LUC7L2: variants seen among roughly 807,000 people sequenced by gnomAD.
LUC7L2 encodes the protein putative RNA-binding protein Luc7-like 2.
A neutral mutation model predicts 52.8 loss-of-function variants in LUC7L2; 25 were observed. The observed-to-expected ratio is 0.47, with a 90% CI of 0.34 to 0.66. LUC7L2 has a LOEUF of 0.66. Ranked by LOEUF, LUC7L2 falls within the 30% of genes least tolerant of loss-of-function variation. The pLI, the probability that LUC7L2 is intolerant of heterozygous loss-of-function variation, is 0.01. For synonymous variants in LUC7L2, 144 were observed against 160.9 expected (o/e 0.89, Z 0.80); for missense variants, 328 against 497.8 (o/e 0.66, Z 3.25).
chr7:139,391,590 C>A (rs1779935104), intron 2 of LUC7L2, among the ~76,000 whole-genome samples: 1 of 150,514 alleles, frequency 6.6e-6, no homozygotes, highest in Non-Finnish European at 1.5e-5. Flanking sequence ...AAATTGGCTT[C>A]TTTTTTTTTG....
upstream of LUC7L2, chr7:139,359,836 G>A: frequency 2.4e-6 from 1 of 409,624 alleles, no homozygotes. Context: ...GAGTGATACA[G>A]CTGGACGCCA....
intron 1 of LUC7L2, chr7:139,341,209 C>CT (rs1352148094): frequency 1.7e-5 from 20 of 1,184,916 alleles, no homozygotes; most frequent in Non-Finnish European, 2.3e-5. Flanking sequence ...TACGGCGCCC[C>CT]TGGGCCTTCG....
rs977310618 is a variant in LUC7L2, at chr7:139,359,899, C to T, written c.-363C>T. ...TGAGCGCGAGGAGCGTGCGCGCTCC[C>T]GTCGTGGCGACGGTGGCGGCGAGCG... On this transcript the variant is annotated 5_prime_UTR_variant, in exon 1 of 10. Transcript: ENST00000354926. 7.2e-6 allele frequency: 3 copies of T among 419,238 alleles called. No homozygotes were observed. The highest frequency in any genetic ancestry group is 1.3e-5 in the Non-Finnish European group (3 of 236,642). The allele number at this position is 419,238 out of a possible 1,614,324, so 26.0% of individuals were successfully genotyped here.
rs369442601 is a variant in LUC7L2 at position 139,382,871 on chromosome 7, C to G, written c.156+6715C>G. On this transcript the variant is annotated intron_variant, in intron 2 of 9. Transcript: ENST00000354926. The stretch of plus-strand genomic sequence containing the variant: ...TTGCTTCCCTGACTCTGTTTTAAAG[C>G]CTGATCTAAAAATCAGTTATGTGGG... 3.3e-5 allele frequency among the ~76,000 whole-genome samples: 5 copies of G among 152,074 alleles called. No individual in the cohort carries two copies. In the South Asian group the frequency reaches 1.0e-3, roughly 31 times the overall value.
intron 1 of LUC7L2, among the ~76,000 whole-genome samples, chr7:139,368,235 T>C (rs948074504): frequency 5.9e-5 from 9 of 152,210 alleles, no homozygotes; most frequent in Non-Finnish European, 1.3e-4. Context: ...TCTTAGAGAT[T>C]ATAGACATAA....
chr7:139,405,514 C>T (rs998036590), intron 4 of LUC7L2, 130 bp from the exon 5 acceptor site: 27 of 1,176,706 alleles, frequency 2.3e-5, no homozygotes, highest in African/African-American at 9.4e-5. Context: ...ATTTGGGATA[C>T]GCTCAGAAAG....
At chr7:139,413,508 C>CCT (rs1216038515) in intron 8 of LUC7L2, among the ~76,000 whole-genome samples, 1 of 152,178 alleles carries the variant, frequency 6.6e-6, no homozygotes, top group African/African-American at 2.4e-5. Context: ...GAGCGCAGTG[C>CCT]CTCACGCTTA....
At chr7:139,340,652 A>G (rs1317179329) in intron 1 of LUC7L2, 1 of 396,284 alleles carries the variant, frequency 2.5e-6, no homozygotes, top group Admixed American at 4.4e-5. Context: ...ATGACGTACC[A>G]AAGAGGAAAA....
chr7:139,381,633 A>G (rs914071808), intron 2 of LUC7L2, among the ~76,000 whole-genome samples: 1 of 149,314 alleles, frequency 6.7e-6, no homozygotes, highest in South Asian at 2.1e-4. Context: ...CTGGAGTGCA[A>G]TGGTTTGATC....
rs569496586 is a variant in LUC7L2, at chr7:139,389,055, T to G, written c.157-9544T>G. On this transcript the variant is annotated intron_variant, in intron 2 of 9. Transcript: ENST00000354926. Reference sequence around the variant, plus strand: ...ACACTTCACATTTTTTAAATGATTTTTTTTTTTTTTAATTCTTCGGCACTC... The same window carrying G: ...ACACTTCACATTTTTTAAATGATTTGTTTTTTTTTTAATTCTTCGGCACTC... Among the ~76,000 whole-genome samples, 27 of 151,944 alleles carry G rather than the reference T, an allele frequency of 1.8e-4. No homozygotes were observed. In the East Asian group the frequency reaches 5.2e-3, roughly 29 times the overall value.
Position 139,363,976 on chromosome 7 carries a change from C to CTTTTT in LUC7L2, c.61+3677_61+3681dup, listed in dbSNP as rs1169793101. 1.0e-4 allele frequency among the ~76,000 whole-genome samples: 10 copies of CTTTTT among 96,098 alleles called. 1 individual carries two copies. The highest frequency in any genetic ancestry group is 2.9e-4 in the African/African-American group (5 of 17,264). The allele number at this position is 96,098 out of a possible 152,430, so 63.0% of individuals were successfully genotyped here. On this transcript the variant is annotated intron_variant, in intron 1 of 9. Transcript: ENST00000354926. ...TGAGGGTGTGGATTTAGATTACATC[C>CTTTTT]TTTTTTTTTTTTTTTTTTTTTTTTT...
At chr7:139,352,908 T>C (rs1315341103) in intron 1 of LUC7L2, among the ~76,000 whole-genome samples, 1 of 152,154 alleles carries the variant, frequency 6.6e-6, no homozygotes, top group Non-Finnish European at 1.5e-5. Context: ...TCTACATTAA[T>C]AGGCACCGGC....
chr7:139,373,916 T>C (rs1457751664), intron 1 of LUC7L2, among the ~76,000 whole-genome samples: 1 of 152,204 alleles, frequency 6.6e-6, no homozygotes, highest in Non-Finnish European at 1.5e-5. Context: ...TTTTTTGTTT[T>C]GTTTTGTTTT....
intron 2 of LUC7L2, among the ~76,000 whole-genome samples, chr7:139,389,321 C>G (rs1794330421): frequency 6.6e-6 from 1 of 152,170 alleles, no homozygotes; most frequent in African/African-American, 2.4e-5. Flanking sequence ...CAGACTCTTT[C>G]ACCATCTAGT....
At chr7:139,373,306 C>T (rs950847969) in intron 1 of LUC7L2, among the ~76,000 whole-genome samples, 4 of 152,158 alleles carry the variant, frequency 2.6e-5, no homozygotes, top group African/African-American at 9.7e-5. Flanking sequence ...GTCCCCAAGG[C>T]AGAACTTTAA....
chr7:139,404,735 A>AGT (rs1436211668), intron 4 of LUC7L2, among the ~76,000 whole-genome samples: 1 of 152,332 alleles, frequency 6.6e-6, no homozygotes, highest in East Asian at 1.9e-4. Context: ...GGACTCATAG[A>AGT]GTGGAGTTGC....
intron 1 of LUC7L2, chr7:139,371,560 G>A (rs1800450920): frequency 3.1e-6 from 4 of 1,307,480 alleles, no homozygotes; most frequent in Non-Finnish European, 4.2e-6. Flanking sequence ...GGGTAGTACT[G>A]GGGGGAGGGG....
intron 4 of LUC7L2, 113 bp downstream of exon 4, chr7:139,402,360 A>G: frequency 9.7e-7 from 1 of 1,032,132 alleles, no homozygotes; most frequent in South Asian, 1.9e-5. Context: ...TATACAAGGA[A>G]TTCTGTATAC....
intron 9 of LUC7L2, among the ~76,000 whole-genome samples, chr7:139,420,126 T>TATC (rs1795822470): frequency 6.6e-6 from 1 of 152,266 alleles, no homozygotes; most frequent in African/African-American, 2.4e-5. Flanking sequence ...TGCATCTATC[T>TATC]ATCTTTTTGC....
Sources: allele counts gnomAD v4.1 joint callset (sites outside exome capture counted in the v4.1 genomes callset), GRCh38; gene constraint gnomAD v4.1.1; transcripts MANE v1.5; gene names NCBI Gene and HGNC (gene_info 2026-07-23, HGNC 2026-07-21).